SERTAD2: variants seen among roughly 807,000 people sequenced by gnomAD.
SERTAD2 encodes SERTA domain-containing protein 2.
A neutral mutation model predicts 15.4 loss-of-function variants in SERTAD2; 2 were observed. The ratio of observed to expected loss-of-function variants is 0.13; its 90% CI spans 0.05 to 0.41. The LOEUF (loss-of-function observed/expected upper bound fraction) is 0.41, where lower values mean the gene tolerates loss of function less well. SERTAD2 is among the 10% of genes least tolerant of loss of function. The probability of loss-of-function intolerance (pLI) is 0.99; values close to 1 mark genes in which losing one functional copy is unlikely to be tolerated. For synonymous variants in SERTAD2, 180 were observed against 178.0 expected (o/e 1.01, Z -0.09); for missense variants, 333 against 409.7 (o/e 0.81, Z 1.62).
At chr2:64,652,846 G>GTAAGA (rs3084198) in intron 1 of SERTAD2, among the ~76,000 whole-genome samples, 138,860 of 151,940 alleles carry the variant, frequency 0.91, 63,533 homozygotes, top group African/African-American at 0.94. Context: ...TCTGCTAAAG[G>GTAAGA]TAACTTATAG....
Position 64,652,335 on chromosome 2 carries a change from C to G in SERTAD2, c.-5+1285G>C, listed in dbSNP as rs146500496. ...CTTCTGCTGAGCTGAGCAACTACCC[C>G]CAACCCCCATCGGCCAAGCAGCCCA... On this transcript the variant is annotated intron_variant, in intron 1 of 1. Coordinates refer to ENST00000313349, the MANE Select transcript of SERTAD2 (RefSeq NM_014755.3). Among the ~76,000 whole-genome samples, 681 of 152,198 alleles carry G rather than the reference C, an allele frequency of 4.5e-3. 4 individuals are homozygous for G. Among genetic ancestry groups the G allele is most frequent in the African/African-American group, 0.015 (629 of 41,512 alleles).
chr2:64,653,807 T>TGGA lies in SERTAD2; in HGVS notation c.-195_-193dup, dbSNP rs1375658156. The TGGA allele has an allele frequency of 6.6e-6, 1 of 152,244 alleles. No homozygotes were observed. Among genetic ancestry groups the TGGA allele is most frequent in the Non-Finnish European group, 1.5e-5 (1 of 68,218 alleles). The allele number at this position is 152,244 out of a possible 1,614,324, so 9.4% of individuals were successfully genotyped here. On this transcript the variant is annotated 5_prime_UTR_variant, in exon 1 of 2. Coordinates refer to ENST00000313349, the MANE Select transcript of SERTAD2 (RefSeq NM_014755.3). ...GCGCGCCCCGAGCATTATACAATGG[T>TGGA]GGAGGCGGCGGCGGCAGGCAGCGGA...
At chr2:64,637,955 T>C (rs1674693986) in intron 1 of SERTAD2, among the ~76,000 whole-genome samples, 1 of 152,250 alleles carries the variant, frequency 6.6e-6, no homozygotes, top group East Asian at 1.9e-4. Context: ...TCAGAACTTC[T>C]ACTGTCTAAA....
rs1342351824 is a variant in SERTAD2 at position 64,653,617 on chromosome 2, T to TA, written c.-5+2dup. The TA allele has an allele frequency of 1.3e-5, 2 of 152,450 alleles. No homozygotes were observed. Among genetic ancestry groups the TA allele is most frequent in the Non-Finnish European group, 2.9e-5 (2 of 68,340 alleles). The allele number at this position is 152,450 out of a possible 1,614,324, so 9.4% of individuals were successfully genotyped here. ...CCTCCAGCCCGACGCCGGGAGAACTTACCACATGCAGCTCCACCTGGGAAC... is the reference window on the plus strand; with the variant it reads ...CCTCCAGCCCGACGCCGGGAGAACTTAACCACATGCAGCTCCACCTGGGAAC... On this transcript the variant is annotated splice_region_variant and intron_variant, in intron 1 of 1. Transcript: ENST00000313349.
At chr2:64,648,980 C>T (rs1173147689) in intron 1 of SERTAD2, among the ~76,000 whole-genome samples, 2 of 152,020 alleles carry the variant, frequency 1.3e-5, no homozygotes, top group Non-Finnish European at 1.5e-5. Context: ...TCTGATAGCA[C>T]GGAAGACACA....
At chr2:64,636,905 T>A (rs1674674815) in intron 1 of SERTAD2, 30 bp from the exon 2 acceptor site, 1 of 1,467,574 alleles carries the variant, frequency 6.8e-7, no homozygotes, top group Non-Finnish European at 9.4e-7. Context: ...GAAATGGCAT[T>A]AATCACATGA....
At chr2:64,649,897 T>TG (rs956549762) in intron 1 of SERTAD2, among the ~76,000 whole-genome samples, 42 of 152,208 alleles carry the variant, frequency 2.8e-4, no homozygotes, top group African/African-American at 1.0e-3. Context: ...CTTGATCTGC[T>TG]GTCCCTGTGG....
intron 1 of SERTAD2, among the ~76,000 whole-genome samples, chr2:64,644,082 AAAG>A (rs1403833685): frequency 2.6e-5 from 4 of 152,260 alleles, no homozygotes; most frequent in Non-Finnish European, 4.4e-5. Flanking sequence ...TTGGAAGAAA[AAAG>A]AAGTGTGGCG....
chr2:64,644,043 T>C (rs1185763660), intron 1 of SERTAD2, among the ~76,000 whole-genome samples: 3 of 152,050 alleles, frequency 2.0e-5, no homozygotes, highest in African/African-American at 7.2e-5. Context: ...ACACTCAAAG[T>C]AGTGATCTGC....
rs1674560971 is a variant in SERTAD2, at chr2:64,632,654, C to T, written c.*3273G>A. The T allele has an allele frequency of 6.6e-6, 1 of 152,626 alleles. No individual in the cohort carries two copies. The highest frequency in any genetic ancestry group is 1.5e-5 in the Non-Finnish European group (1 of 68,042). The allele number at this position is 152,626 out of a possible 1,614,324, so 9.5% of individuals were successfully genotyped here. On this transcript the variant is annotated 3_prime_UTR_variant, in exon 2 of 2. Transcript: ENST00000313349. ...ATTAAAACATTCCTCATACCTTTTG[C>T]ATATTTCAAATAGACCCATATTAGA...
intron 1 of SERTAD2, among the ~76,000 whole-genome samples, chr2:64,649,965 A>G (rs1395548576): frequency 6.6e-6 from 1 of 152,248 alleles, no homozygotes; most frequent in African/African-American, 2.4e-5. Flanking sequence ...GCCGGCCAGG[A>G]GCACAGATGC....
At chr2:64,647,580 C>A (rs1674930959) in intron 1 of SERTAD2, among the ~76,000 whole-genome samples, 1 of 151,880 alleles carries the variant, frequency 6.6e-6, no homozygotes, top group South Asian at 2.1e-4. Context: ...TTTTCTCCCT[C>A]ACACTAGAGA....
chr2:64,642,347 C>A (rs1412873637), intron 1 of SERTAD2, among the ~76,000 whole-genome samples: 1 of 152,108 alleles, frequency 6.6e-6, no homozygotes, highest in African/African-American at 2.4e-5. Context: ...CAGAAAGGAA[C>A]TGAAACAGTA....
Position 64,633,059 on chromosome 2 carries a change from C to T in SERTAD2, c.*2868G>A, listed in dbSNP as rs925793517. 4.6e-5 allele frequency: 7 copies of T among 152,572 alleles called. No homozygotes were observed. Among genetic ancestry groups the T allele is most frequent in the South Asian group, 2.1e-4 (1 of 4,834 alleles). 9.5% of individuals were successfully genotyped at this position (152,572 alleles called of 1,614,324 possible). On this transcript the variant is annotated 3_prime_UTR_variant, in exon 2 of 2. Coordinates refer to ENST00000313349, the MANE Select transcript of SERTAD2 (RefSeq NM_014755.3). ...TGTGATGTCTTTCATAAAGGGAAGG[C>T]ACTGCTGGAAGCACATCCCACACTC...
intron 1 of SERTAD2, among the ~76,000 whole-genome samples, chr2:64,644,402 A>G (rs1674850845): frequency 1.3e-5 from 2 of 152,214 alleles, no homozygotes; most frequent in Non-Finnish European, 2.9e-5. Context: ...GAGGCATCCA[A>G]GTGGGAGAGC....
chr2:64,650,750 AAT>A (rs1674991821), intron 1 of SERTAD2, among the ~76,000 whole-genome samples: 1 of 152,050 alleles, frequency 6.6e-6, no homozygotes, highest in African/African-American at 2.4e-5. Flanking sequence ...ATATGTACAA[AAT>A]ATATGAGTTG....
chr2:64,638,952 T>C (rs1342490203), intron 1 of SERTAD2, among the ~76,000 whole-genome samples: 2 of 152,256 alleles, frequency 1.3e-5, no homozygotes, highest in Non-Finnish European at 2.9e-5. Context: ...TTCTACTTCA[T>C]GCATGAGAGG....
chr2:64,645,696 A>C (rs1674887531), intron 1 of SERTAD2, among the ~76,000 whole-genome samples: 1 of 152,248 alleles, frequency 6.6e-6, no homozygotes, highest in African/African-American at 2.4e-5. Context: ...TTTCTTTAGA[A>C]TAAATTATGG....
chr2:64,640,559 C>T (rs758684897), intron 1 of SERTAD2, among the ~76,000 whole-genome samples: 5 of 151,140 alleles, frequency 3.3e-5, no homozygotes, highest in Non-Finnish European at 5.9e-5. Context: ...AAAAAGGCTT[C>T]GCTGGGCTGC....
Sources: allele counts gnomAD v4.1 joint callset (sites outside exome capture counted in the v4.1 genomes callset), GRCh38; gene constraint gnomAD v4.1.1; transcripts MANE v1.5; gene names NCBI Gene and HGNC (gene_info 2026-07-23, HGNC 2026-07-21).